MARCHF8: variants seen among roughly 807,000 people sequenced by gnomAD.
The protein encoded by MARCHF8 is E3 ubiquitin-protein ligase MARCHF8.
MARCHF8 carries 40 observed loss-of-function variants against 51.6 expected under a neutral mutation model. The ratio of observed to expected loss-of-function variants is 0.77; its 90% CI spans 0.60 to 1.01. The LOEUF is 1.01. Ranked by LOEUF, MARCHF8 falls within the 50% of genes least tolerant of loss-of-function variation. The probability of loss-of-function intolerance (pLI) is 0.00; values close to 1 mark genes in which losing one functional copy is unlikely to be tolerated. For missense variants in MARCHF8, 685 were observed against 708.6 expected (o/e 0.97, Z 0.38); for synonymous variants, 263 against 280.3 (o/e 0.94, Z 0.62).
intron 3 of MARCHF8, among the ~76,000 whole-genome samples, chr10:45,476,362 G>A (rs141718810): frequency 7.2e-5 from 11 of 152,288 alleles, no homozygotes; most frequent in Non-Finnish European, 1.2e-4. Context: ...CTAGGAGTTC[G>A]AGACCAGTCT....
chr10:45,590,983 G>A (rs2044674171), intron 1 of MARCHF8, among the ~76,000 whole-genome samples: 1 of 152,162 alleles, frequency 6.6e-6, no homozygotes, highest in South Asian at 2.1e-4. Context: ...CACCCTAACT[G>A]ATAAACGTAC....
At chr10:45,548,434 G>C (rs886673601) in intron 1 of MARCHF8, among the ~76,000 whole-genome samples, 9 of 152,116 alleles carry the variant, frequency 5.9e-5, no homozygotes, top group African/African-American at 2.2e-4. Flanking sequence ...ACAACCACCG[G>C]GGCAGGTACG....
chr10:45,570,260 C>CA (rs1257599087), intron 1 of MARCHF8, among the ~76,000 whole-genome samples: 1 of 152,102 alleles, frequency 6.6e-6, no homozygotes, highest in Non-Finnish European at 1.5e-5. Context: ...AAAACATCCT[C>CA]AGCAAAACAA....
intron 2 of MARCHF8, among the ~76,000 whole-genome samples, chr10:45,507,303 T>C (rs141861566): frequency 3.5e-4 from 54 of 152,330 alleles, no homozygotes; most frequent in African/African-American, 1.3e-3. Flanking sequence ...GAAAGAGGGT[T>C]GTCTCAGTCT....
intron 1 of MARCHF8, among the ~76,000 whole-genome samples, chr10:45,578,426 T>C (rs1217500209): frequency 6.6e-6 from 1 of 152,160 alleles, no homozygotes; most frequent in African/African-American, 2.4e-5. Context: ...AATATGTATA[T>C]GAATCATTCA....
chr10:45,529,263 T>A (rs1215910649), intron 2 of MARCHF8, among the ~76,000 whole-genome samples: 1 of 152,112 alleles, frequency 6.6e-6, no homozygotes, highest in Non-Finnish European at 1.5e-5. Context: ...CCATATACAG[T>A]AGAATGACAC....
intron 3 of MARCHF8, among the ~76,000 whole-genome samples, chr10:45,478,796 C>T (rs917463723): frequency 2.0e-5 from 3 of 152,046 alleles, no homozygotes; most frequent in African/African-American, 7.2e-5. Flanking sequence ...CATAACCTAC[C>T]ATGATTGATC....
chr10:45,530,182 C>A (rs1171597608), intron 2 of MARCHF8, among the ~76,000 whole-genome samples: 1 of 152,112 alleles, frequency 6.6e-6, no homozygotes, highest in Non-Finnish European at 1.5e-5. Flanking sequence ...TCAGAAAGAG[C>A]AAGTCAAATA....
In MARCHF8 at chr10:45,552,721, G is replaced by C. The variant is rs2044209314; in HGVS notation, c.-78-19432C>G. 2.0e-5 allele frequency among the ~76,000 whole-genome samples: 3 copies of C among 152,202 alleles called. No homozygotes were observed. The South Asian group carries it at 6.2e-4, about 31-fold the overall frequency. Reference sequence around the variant, plus strand: ...GGTGCTATCATTCGTCCCTAAAATAGATTAGTGAATGCCCAGAAAATAAAG... The same window carrying C: ...GGTGCTATCATTCGTCCCTAAAATACATTAGTGAATGCCCAGAAAATAAAG... On this transcript the variant is annotated intron_variant, in intron 1 of 6. Coordinates refer to the MARCHF8 transcript ENST00000319836.
intron 1 of MARCHF8, among the ~76,000 whole-genome samples, chr10:45,591,078 C>A (rs1436663959): frequency 2.0e-4 from 31 of 152,286 alleles, no homozygotes; most frequent in Non-Finnish European, 2.6e-4. Context: ...ACCCCTTGCC[C>A]GCAAAACATT....
At chr10:45,541,381 G>A (rs1189381083) in intron 1 of MARCHF8, among the ~76,000 whole-genome samples, 2 of 152,170 alleles carry the variant, frequency 1.3e-5, no homozygotes, top group African/African-American at 4.8e-5. Flanking sequence ...GAGAACACAT[G>A]GACACAGGAA....
At chr10:45,529,568 T>C (rs916332767) in intron 2 of MARCHF8, among the ~76,000 whole-genome samples, 4 of 152,102 alleles carry the variant, frequency 2.6e-5, no homozygotes, top group African/African-American at 9.7e-5. Context: ...CTGCAGACTA[T>C]GCATCTTACA....
intron 1 of MARCHF8, among the ~76,000 whole-genome samples, chr10:45,564,268 C>T (rs1472937562): frequency 1.3e-5 from 2 of 151,928 alleles, no homozygotes; most frequent in East Asian, 1.9e-4. Flanking sequence ...AGTGAGACTC[C>T]GTCTCAAAAA....
At position 45,457,610 on chromosome 10, in the gene MARCHF8, C is replaced by T. The variant is rs1842642860; in HGVS notation, c.*629G>A. On this transcript the variant is annotated 3_prime_UTR_variant, in exon 8 of 8. Coordinates refer to ENST00000453424, the MANE Select transcript of MARCHF8 (RefSeq NM_001282866.2). ...TCTAAGTGAGACTTTTTTTGAGTGT[C>T]AATCCCGCTGGACACACATATTACA... The T allele has an allele frequency of 6.6e-6, 1 of 152,588 alleles. No individual in the cohort carries two copies. The highest frequency in any genetic ancestry group is 1.5e-5 in the Non-Finnish European group (1 of 68,026). The allele number at this position is 152,588 out of a possible 1,614,324, so 9.5% of individuals were successfully genotyped here.
intron 3 of MARCHF8, among the ~76,000 whole-genome samples, chr10:45,475,640 T>C (rs1051910299): frequency 2.0e-5 from 3 of 151,878 alleles, no homozygotes; most frequent in Non-Finnish European, 4.4e-5. Flanking sequence ...AGCCAGAGGG[T>C]TGTCCTGCCA....
intron 6 of MARCHF8, 110 bp from the exon 7 acceptor site, chr10:45,459,377 C>A: frequency 8.2e-7 from 1 of 1,220,012 alleles, no homozygotes; most frequent in Non-Finnish European, 1.1e-6. Context: ...TCTCCCTTCC[C>A]AAACTAGATG....
chr10:45,588,998 CAAAAAA>C (rs72350925), intron 1 of MARCHF8, among the ~76,000 whole-genome samples: 5 of 87,686 alleles, frequency 5.7e-5, no homozygotes, highest in South Asian at 4.2e-4. Flanking sequence ...GACTACGTTT[CAAAAAA>C]AAAAAAAAAA....
intron 1 of MARCHF8, among the ~76,000 whole-genome samples, chr10:45,570,184 A>G (rs1041497038): frequency 2.6e-5 from 4 of 152,222 alleles, no homozygotes; most frequent in African/African-American, 9.6e-5. Context: ...GCATAAACCC[A>G]TTACCAAAAT....
upstream of MARCHF8, among the ~76,000 whole-genome samples, chr10:45,536,878 AAT>A (rs2043979520): frequency 6.8e-6 from 1 of 147,304 alleles, no homozygotes; most frequent in African/African-American, 2.5e-5. Flanking sequence ...TAATAATAAT[AAT>A]AAAGACAAAT....
Sources: allele counts gnomAD v4.1 joint callset (sites outside exome capture counted in the v4.1 genomes callset), GRCh38; gene constraint gnomAD v4.1.1; transcripts MANE v1.5; gene names NCBI Gene and HGNC (gene_info 2026-07-23, HGNC 2026-07-21).